The following HIVEP2 variants were observed in gnomAD, a reference collection of about 807,000 sequenced individuals.
HIVEP2 encodes HIVEP zinc finger 2, also known as transcription factor HIVEP2.
Under a neutral mutation model 180.7 loss-of-function variants are expected in HIVEP2, and 14 were observed. The ratio of observed to expected loss-of-function variants is 0.08; its 90% confidence interval spans 0.05 to 0.12. HIVEP2 has a LOEUF of 0.12. Among genes scored for constraint, HIVEP2 ranks in the 10% least tolerant of loss-of-function variants. The pLI is 1.00. For missense variants in HIVEP2, 2,579 were observed against 3,008.5 expected (o/e 0.86, Z 3.34); for synonymous variants, 1,184 against 1,136.4 (o/e 1.04, Z -0.84).
At chr6:142,895,115 C>T (rs1171579580) in intron 1 of HIVEP2, among the ~76,000 whole-genome samples, 1 of 152,208 alleles carries the variant, frequency 6.6e-6, no homozygotes, top group Non-Finnish European at 1.5e-5. Flanking sequence ...CTTAGAGCTA[C>T]ATTTTAACTT....
Position 142,772,017 on chromosome 6 carries a change from T to G in HIVEP2, c.2722A>C (p.Ser908Arg). ...DKPEKEKEAQSKEPEKPVEEF... is the reference protein window; with the variant it reads ...DKPEKEKEAQRKEPEKPVEEF... ...TCCACAGGCTTCTCTGGCTCTTTGC[T>G]CTGGGCTTCCTTCTCCTTCTCAGGT... Residue 908 changes from serine (S) to arginine (R), a missense_variant, in exon 5 of 10, where the codon AGC (serine) becomes CGC (arginine). Transcript: ENST00000367603. This position sits in a 1 kb window ranked among gnomAD's most constrained non-coding sequence, Gnocchi z 4.9. 2 of 1,614,202 alleles carry G rather than the reference T, an allele frequency of 1.2e-6. No homozygotes were observed. Among genetic ancestry groups the G allele is most frequent in the Non-Finnish European group, 8.5e-7 (1 of 1,180,038 alleles).
At chr6:142,918,390 A>G (rs1360267037) in intron 1 of HIVEP2, among the ~76,000 whole-genome samples, 2 of 152,180 alleles carry the variant, frequency 1.3e-5, no homozygotes, top group Non-Finnish European at 2.9e-5. Context: ...TTAAAATTAC[A>G]ACAGCACCCA....
intron 2 of HIVEP2, among the ~76,000 whole-genome samples, chr6:142,811,326 C>A (rs1776692803): frequency 6.6e-6 from 1 of 152,190 alleles, no homozygotes; most frequent in Non-Finnish European, 1.5e-5. Context: ...AACTCTTCCA[C>A]TGCAGATGCA....
rs760926040 is a variant in HIVEP2 at position 142,770,859 on chromosome 6, G to A, written c.3880C>T (p.Leu1294Phe). ...CTCTGGTCTGATGGAAACTTTGGAA[G>A]AAGGTTCTTTGGGTGTAGCCCTGAT... ...GASGLHPKNL[L>F]PKFPSDQSSK... Residue 1294 changes from leucine (L) to phenylalanine (F), a missense_variant, in exon 5 of 10, where the codon CTT becomes TTT. Transcript: ENST00000367603. The surrounding 1 kb of genome is among the most constrained non-coding windows in gnomAD (Gnocchi z 4.7). The A allele has an allele frequency of 6.8e-6, 11 of 1,614,224 alleles. No individual in the cohort carries two copies. The highest frequency in any genetic ancestry group is 2.2e-5 in the East Asian group (1 of 44,874).
At chr6:142,806,261 T>A (rs1370292693) in intron 2 of HIVEP2, among the ~76,000 whole-genome samples, 1 of 152,152 alleles carries the variant, frequency 6.6e-6, no homozygotes, top group Non-Finnish European at 1.5e-5. Flanking sequence ...CATGAAACCA[T>A]AAATGATAGA....
chr6:142,942,017 C>T (rs2128441783), intron 1 of HIVEP2, among the ~76,000 whole-genome samples: 1 of 152,260 alleles, frequency 6.6e-6, no homozygotes, highest in East Asian at 1.9e-4. Context: ...TGACCTTAGC[C>T]ACTTTTCCCT....
At chr6:142,921,450 G>A (rs146373475) in intron 1 of HIVEP2, among the ~76,000 whole-genome samples, 3 of 152,238 alleles carry the variant, frequency 2.0e-5, no homozygotes, top group South Asian at 2.1e-4. Flanking sequence ...CACGAGAATC[G>A]CTTGAACCCA....
At chr6:142,944,427 CCACACA>C (rs34581763) in intron 1 of HIVEP2, among the ~76,000 whole-genome samples, 2 of 146,844 alleles carry the variant, frequency 1.4e-5, no homozygotes, top group African/African-American at 2.6e-5. Flanking sequence ...CCCCACACAC[CCACACA>C]CACACACACA....
intron 2 of HIVEP2, among the ~76,000 whole-genome samples, chr6:142,818,692 C>A (rs1024249769): frequency 1.9e-5 from 1 of 51,764 alleles, no homozygotes. Context: ...GAGAGAGAGA[C>A]AAGAAAGAAA....
In HIVEP2 at chr6:142,769,431, GC is replaced by G. The variant is rs1036353805; in HGVS notation, c.5187+120del. 6.0e-6 allele frequency: 5 copies of G among 832,114 alleles called. No individual in the cohort carries two copies. The African/African-American group carries it at 8.6e-5, about 14-fold the overall frequency. 51.5% of individuals were successfully genotyped at this position (832,114 alleles called of 1,614,324 possible). ...GAGTAAGGCCAGACTTTCTGAAAACGCCCCCACACTGACCTTCATTTTACTT... is the reference window on the plus strand; with the variant it reads ...GAGTAAGGCCAGACTTTCTGAAAACGCCCCACACTGACCTTCATTTTACTT... On this transcript the variant is annotated intron_variant, in intron 5 of 9. Coordinates refer to ENST00000367603, the MANE Select transcript of HIVEP2 (RefSeq NM_006734.4).
Position 142,871,541 on chromosome 6 carries a change from C to A in HIVEP2, c.-640-34494G>T, listed in dbSNP as rs534581098. On this transcript the variant is annotated intron_variant, in intron 1 of 9. Coordinates refer to ENST00000367603, the MANE Select transcript of HIVEP2 (RefSeq NM_006734.4). ...AACTTTATTAAAATAATTCTATCTG[C>A]ATTTTTATATTATAAATATAATCCT... is the stretch of plus-strand genomic sequence containing the variant. 6.6e-5 allele frequency among the ~76,000 whole-genome samples: 10 copies of A among 151,844 alleles called. No individual in the cohort carries two copies. In the South Asian group the frequency reaches 2.1e-3, roughly 32 times the overall value.
At chr6:142,785,093 G>A (rs1423828656) in intron 2 of HIVEP2, among the ~76,000 whole-genome samples, 1 of 151,818 alleles carries the variant, frequency 6.6e-6, no homozygotes, top group African/African-American at 2.4e-5. Flanking sequence ...GTTTCACCAT[G>A]TTAGCCAGGA....
intron 1 of HIVEP2, among the ~76,000 whole-genome samples, chr6:142,908,861 A>C (rs1333182562): frequency 1.3e-5 from 2 of 151,170 alleles, no homozygotes; most frequent in Non-Finnish European, 2.9e-5. Context: ...TCTCAAAAAA[A>C]AAAAAAAAAA....
intron 1 of HIVEP2, among the ~76,000 whole-genome samples, chr6:142,850,165 T>G (rs1775612888): frequency 1.3e-5 from 2 of 152,214 alleles, no homozygotes; most frequent in African/African-American, 4.8e-5. Flanking sequence ...TATTGTTTGC[T>G]TGTTTTCAAG....
intron 1 of HIVEP2, among the ~76,000 whole-genome samples, chr6:142,940,234 G>C (rs1375309318): frequency 1.3e-5 from 2 of 152,150 alleles, no homozygotes; most frequent in Non-Finnish European, 2.9e-5. Flanking sequence ...GGCTATTTTT[G>C]TTAACTGGAG....
In HIVEP2 at chr6:142,764,991, G is replaced by A. The variant is rs779607778; in HGVS notation, c.5343-17C>T. 1.9e-6 allele frequency: 3 copies of A among 1,588,290 alleles called. No individual in the cohort carries two copies. The highest frequency in any genetic ancestry group is 2.7e-5 in the African/African-American group (2 of 74,310). Reference sequence around the variant, plus strand: ...GATTTGTACCTGTTTTAAAAAGAGGGAATCCAGTGTGTTTTCAAATATTCT... The same window carrying A: ...GATTTGTACCTGTTTTAAAAAGAGGAAATCCAGTGTGTTTTCAAATATTCT... On this transcript the variant is annotated splice_polypyrimidine_tract_variant and intron_variant, in intron 6 of 9. Coordinates refer to ENST00000367603, the MANE Select transcript of HIVEP2 (RefSeq NM_006734.4).
chr6:142,779,666 A>G (rs1399899992), intron 3 of HIVEP2: 1 of 152,174 alleles, frequency 6.6e-6, no homozygotes, highest in Non-Finnish European at 1.5e-5. Flanking sequence ...TTCAAGTAAT[A>G]AGTACATACA....
intron 1 of HIVEP2, among the ~76,000 whole-genome samples, chr6:142,843,864 C>G (rs1775436041): frequency 6.6e-6 from 1 of 152,130 alleles, no homozygotes; most frequent in South Asian, 2.1e-4. Flanking sequence ...TATATTTATG[C>G]ATATGTATGC....
At chr6:142,761,644 T>A in intron 7 of HIVEP2, 79 bp from the exon 8 acceptor site, 1 of 822,574 alleles carries the variant, frequency 1.2e-6, no homozygotes, top group Non-Finnish European at 2.1e-6. Flanking sequence ...CCAAATTCAA[T>A]GTGAAATGAA....
Sources: allele counts gnomAD v4.1 joint callset (sites outside exome capture counted in the v4.1 genomes callset), GRCh38; gene constraint gnomAD v4.1.1; non-coding constraint Gnocchi (gnomAD v3.1); transcripts MANE v1.5; gene names NCBI Gene and HGNC (gene_info 2026-07-23, HGNC 2026-07-21).